The following ACBD6 variants were observed in gnomAD, a reference collection of about 807,000 sequenced individuals.
The protein encoded by ACBD6 is acyl-CoA-binding domain-containing protein 6.
Under a neutral mutation model 37.2 loss-of-function variants are expected in ACBD6, and 28 were observed. The observed-to-expected ratio is 0.75, with a 90% CI of 0.56 to 1.03. The LOEUF is 1.03. Ranked by LOEUF, ACBD6 falls within the 50% of genes least tolerant of loss-of-function variation. ACBD6 has a pLI of 0.00. For missense variants in ACBD6, 340 were observed against 337.4 expected, an observed-to-expected ratio of 1.01 and a Z score of -0.06; for synonymous variants, 113 against 126.8, an observed-to-expected ratio of 0.89 and a Z score of 0.73.
chr1:180,494,786 C>G (rs563100964), intron 2 of ACBD6, among the ~76,000 whole-genome samples: 13 of 152,298 alleles, frequency 8.5e-5, no homozygotes, highest in African/African-American at 3.1e-4. Flanking sequence ...CAGTTGTATG[C>G]AATTTCTCTT....
chr1:180,394,372 G>A (rs1654183189), intron 6 of ACBD6, among the ~76,000 whole-genome samples: 4 of 151,324 alleles, frequency 2.6e-5, no homozygotes, highest in African/African-American at 9.7e-5. Flanking sequence ...TTACAGGCAT[G>A]AGCCATCACA....
chr1:180,315,010 G>T (rs566323740), intron 6 of ACBD6, among the ~76,000 whole-genome samples: 71 of 152,270 alleles, frequency 4.7e-4, no homozygotes, highest in Middle Eastern at 3.4e-3. Flanking sequence ...TTAAAGTGAG[G>T]CAGTTTGGTT....
At chr1:180,292,027 C>T (rs1015752874) in intron 7 of ACBD6, among the ~76,000 whole-genome samples, 8 of 152,116 alleles carry the variant, frequency 5.3e-5, no homozygotes, top group Non-Finnish European at 1.0e-4. Flanking sequence ...CTATCATGTT[C>T]CTTTGATCTA....
chr1:180,271,809 G>GT (rs1558224564), exon 14 of ACBD6: 2 of 1,613,722 alleles, frequency 1.2e-6, no homozygotes, highest in Admixed American at 1.7e-5. Context: ...CGCCCCCTGA[G>GT]TATGTCCCTT....
intron 5 of ACBD6, among the ~76,000 whole-genome samples, chr1:180,405,419 A>G (rs182115687): frequency 1.3e-5 from 2 of 152,204 alleles, no homozygotes; most frequent in Admixed American, 1.3e-4. Context: ...TGTCAAAAGG[A>G]CAGAAAAGGA....
chr1:180,392,281 G>GTGTGTGTA (rs1553301937), intron 6 of ACBD6, among the ~76,000 whole-genome samples: 2 of 134,658 alleles, frequency 1.5e-5, no homozygotes, highest in Non-Finnish European at 3.1e-5. Context: ...GTGTGTGTGT[G>GTGTGTGTA]TGTATGTATG....
At chr1:180,274,351 C>T in intron 10 of ACBD6, 3 of 1,614,226 alleles carry the variant, frequency 1.9e-6, no homozygotes, top group Middle Eastern at 1.6e-4. Flanking sequence ...AGTCTCCATC[C>T]TCCATATCGT....
At chr1:180,323,153 T>C (rs577180294) in intron 6 of ACBD6, among the ~76,000 whole-genome samples, 1 of 152,170 alleles carries the variant, frequency 6.6e-6, no homozygotes, top group Admixed American at 6.5e-5. Flanking sequence ...TGTCTCTGTA[T>C]AGTTTCCAAA....
chr1:180,477,725 T>A (rs2102066131), intron 3 of ACBD6, among the ~76,000 whole-genome samples: 1 of 152,338 alleles, frequency 6.6e-6, no homozygotes, highest in East Asian at 1.9e-4. Context: ...AAGAAACTAT[T>A]TCTAGATTAT....
intron 6 of ACBD6, among the ~76,000 whole-genome samples, chr1:180,334,445 G>A (rs1651621701): frequency 6.6e-6 from 1 of 152,164 alleles, no homozygotes; most frequent in African/African-American, 2.4e-5. Context: ...CAGACCTGCA[G>A]CTGAAGGTCC....
chr1:180,429,361 T>G (rs1571499350), intron 4 of ACBD6, among the ~76,000 whole-genome samples: 1 of 152,220 alleles, frequency 6.6e-6, no homozygotes, highest in Admixed American at 6.5e-5. Flanking sequence ...CGCAAAGTGT[T>G]TGTGTTCTTG....
intron 6 of ACBD6, among the ~76,000 whole-genome samples, chr1:180,360,222 C>T (rs1652796688): frequency 6.6e-6 from 1 of 152,142 alleles, no homozygotes; most frequent in Admixed American, 6.5e-5. Context: ...TTATTTCCCC[C>T]CTTCAGACTG....
chr1:180,299,269 A>G (rs1650037592), intron 7 of ACBD6, among the ~76,000 whole-genome samples: 1 of 152,222 alleles, frequency 6.6e-6, no homozygotes, highest in Non-Finnish European at 1.5e-5. Context: ...GGCAAAGAAT[A>G]TGAGAGAAAA....
At chr1:180,460,965 G>A (rs1227189815) in intron 3 of ACBD6, among the ~76,000 whole-genome samples, 1 of 152,150 alleles carries the variant, frequency 6.6e-6, no homozygotes, top group African/African-American at 2.4e-5. Context: ...AGCTAAAGGA[G>A]CACATTCTAA....
intron 4 of ACBD6, among the ~76,000 whole-genome samples, chr1:180,415,703 G>T (rs781474314): frequency 6.6e-6 from 1 of 152,230 alleles, no homozygotes; most frequent in Non-Finnish European, 1.5e-5. Context: ...GTATATGTAA[G>T]CGTTATTCAC....
intron 3 of ACBD6, among the ~76,000 whole-genome samples, chr1:180,473,414 T>A (rs1302340003): frequency 2.3e-5 from 3 of 132,794 alleles, no homozygotes; most frequent in Non-Finnish European, 4.6e-5. Flanking sequence ...GCCACTGCAC[T>A]CCAGCCTGGG....
chr1:180,383,438 A>G (rs985295908), intron 6 of ACBD6, among the ~76,000 whole-genome samples: 28 of 152,140 alleles, frequency 1.8e-4, no homozygotes, highest in African/African-American at 6.3e-4. Context: ...TCCCATTTAC[A>G]ATAGCTATAA....
At chr1:180,335,997 C>T (rs1322682921) in intron 6 of ACBD6, among the ~76,000 whole-genome samples, 5 of 151,624 alleles carry the variant, frequency 3.3e-5, no homozygotes, top group African/African-American at 1.2e-4. Flanking sequence ...TACAGGAGCA[C>T]CCAGATTCAT....
At chr1:180,285,332 A>T (rs1649450730), downstream of ACBD6, among the ~76,000 whole-genome samples, 1 of 152,196 alleles carries the variant, frequency 6.6e-6, no homozygotes, top group African/African-American at 2.4e-5. Context: ...AGCCTGGGAG[A>T]CAGAGTGAGA....
Sources: gnomAD v4.1 joint callset for allele counts (sites outside exome capture counted in the v4.1 genomes callset) on GRCh38, gnomAD v4.1.1 for gene constraint, MANE v1.5 for transcripts, NCBI Gene and HGNC (gene_info 2026-07-23, HGNC 2026-07-21) for gene names.